Variants in LSM11 observed in about 807,000 individuals in gnomAD.
LSM11 encodes U7 snRNA-associated Sm-like protein LSm11.
Under a neutral mutation model 28.1 loss-of-function variants are expected in LSM11, and 14 were observed. The observed-to-expected ratio is 0.50, with a 90% CI of 0.33 to 0.78. The LOEUF (loss-of-function observed/expected upper bound fraction) is 0.78, where lower values mean the gene tolerates loss of function less well. Among genes scored for constraint, LSM11 ranks in the 30% least tolerant of loss-of-function variants. LSM11 has a pLI of 0.02. For synonymous variants in LSM11, 207 were observed against 214.2 expected (o/e 0.97, Z 0.30); for missense variants, 495 against 510.6 (o/e 0.97, Z 0.30).
At chr5:157,746,009 A>T (rs1761141007) in intron 1 of LSM11, among the ~76,000 whole-genome samples, 1 of 152,156 alleles carries the variant, frequency 6.6e-6, no homozygotes, top group African/African-American at 2.4e-5. Context: ...TGTGCACCAA[A>T]CCCCAGTGAC....
At chr5:157,746,087 G>A (rs1013857568) in intron 1 of LSM11, among the ~76,000 whole-genome samples, 1 of 151,260 alleles carries the variant, frequency 6.6e-6, no homozygotes, top group Admixed American at 6.6e-5. Flanking sequence ...TGGAAGGGGG[G>A]AAAAAAAAGA....
Position 157,756,204 on chromosome 5 carries a change from A to T in LSM11, c.*940A>T, listed in dbSNP as rs1329389599. 6.5e-6 allele frequency: 1 copy of T among 152,934 alleles called. No homozygotes were observed. The highest frequency in any genetic ancestry group is 1.5e-5 in the Non-Finnish European group (1 of 68,292). 9.5% of individuals were successfully genotyped at this position (152,934 alleles called of 1,614,324 possible). ...CAGGCAGGGCCAGCATGTGTAGAAT[A>T]TCTTTCAGAATATGGTTTCACCATG... On this transcript the variant is annotated 3_prime_UTR_variant, in exon 4 of 4. Coordinates refer to ENST00000286307, the MANE Select transcript of LSM11 (RefSeq NM_173491.4).
At chr5:157,749,604 A>ACACACACC (rs1554095390) in intron 1 of LSM11, among the ~76,000 whole-genome samples, 42 of 151,792 alleles carry the variant, frequency 2.8e-4, no homozygotes, top group Non-Finnish European at 2.7e-4. Flanking sequence ...ACACACACAC[A>ACACACACC]CACCCACACA....
chr5:157,751,071 C>T (rs193241398), intron 1 of LSM11, among the ~76,000 whole-genome samples: 3 of 152,286 alleles, frequency 2.0e-5, no homozygotes, highest in African/African-American at 7.2e-5. Context: ...CGTGAGCCAC[C>T]ACGCCCGGCC....
At chr5:157,747,993 C>CTGTGTGTGTGTGTGTGTGTG (rs5872520) in intron 1 of LSM11, among the ~76,000 whole-genome samples, 4 of 148,738 alleles carry the variant, frequency 2.7e-5, no homozygotes, top group African/African-American at 9.9e-5. Context: ...CACCACACTG[C>CTGTGTGTGTGTGTGTGTGTG]TGTGTGTGTG....
intron 1 of LSM11, among the ~76,000 whole-genome samples, chr5:157,746,558 A>T (rs886190742): frequency 6.6e-6 from 1 of 152,238 alleles, no homozygotes; most frequent in East Asian, 1.9e-4. Context: ...TATCTCTGTC[A>T]TAGAATCTCT....
intron 2 of LSM11, among the ~76,000 whole-genome samples, chr5:157,753,541 A>G (rs1048634802): frequency 2.0e-5 from 3 of 152,192 alleles, no homozygotes; most frequent in Non-Finnish European, 4.4e-5. Flanking sequence ...TTCATAAGAC[A>G]TAGAAACTGA....
intron 1 of LSM11, among the ~76,000 whole-genome samples, chr5:157,745,540 C>T (rs973078252): frequency 3.3e-5 from 5 of 152,148 alleles, no homozygotes; most frequent in Admixed American, 6.5e-5. Context: ...AAATGCACTC[C>T]AAGTCTCATT....
In LSM11 at chr5:157,755,222, C is replaced by T; in HGVS notation, c.1041C>T (p.Phe347=). 1 of 1,614,208 alleles carries T rather than the reference C, an allele frequency of 6.2e-7. No homozygotes were observed. Among genetic ancestry groups the T allele is most frequent in the Non-Finnish European group, 8.5e-7 (1 of 1,180,036 alleles). The change falls in exon 4 of 4, where the codon TTC becomes TTT. Residue 347 remains phenylalanine (F), a synonymous_variant. Coordinates refer to ENST00000286307, the MANE Select transcript of LSM11 (RefSeq NM_173491.4). ...TCACTCGACACATAAATCAGATTTTCATTCGAGGCGAGAATGTCCTGCTGG... is the reference window on the plus strand; with the variant it reads ...TCACTCGACACATAAATCAGATTTTTATTCGAGGCGAGAATGTCCTGCTGG... ...QVFTRHINQI[F]IRGENVLLVH...
intron 1 of LSM11, among the ~76,000 whole-genome samples, chr5:157,748,825 G>A (rs1160892216): frequency 2.0e-5 from 3 of 152,204 alleles, no homozygotes; most frequent in Non-Finnish European, 4.4e-5. Context: ...AAATGACCTG[G>A]ATCTGGAAGG....
rs1420596574 is a variant in LSM11 at position 157,757,197 on chromosome 5, G to GGGTTCAT, written c.*1934_*1940dup. The stretch of plus-strand genomic sequence containing the variant: ...AGGAAAAAAAAAAAAAGTAATCTTA[G>GGGTTCAT]GGTTCATAGTTATGATCCTGTTGTA... On this transcript the variant is annotated 3_prime_UTR_variant, in exon 4 of 4. Transcript: ENST00000286307. The GGGTTCAT allele has an allele frequency of 6.6e-6, 1 of 151,956 alleles. No individual in the cohort carries two copies. The highest frequency in any genetic ancestry group is 1.5e-5 in the Non-Finnish European group (1 of 68,018). 9.4% of individuals were successfully genotyped at this position (151,956 alleles called of 1,614,324 possible). A position where few individuals can be genotyped will look rare whatever the true frequency, so the allele number is the denominator to read the frequency against.
At chr5:157,754,507 C>G (rs776261646) in intron 3 of LSM11, among the ~76,000 whole-genome samples, 16 of 151,898 alleles carry the variant, frequency 1.1e-4, no homozygotes, top group Non-Finnish European at 1.9e-4. Context: ...TCCTGGCTAA[C>G]ACGGTGAAAC....
chr5:157,753,554 C>T (rs569978303), intron 2 of LSM11, among the ~76,000 whole-genome samples: 5 of 152,148 alleles, frequency 3.3e-5, no homozygotes, highest in Admixed American at 6.6e-5. Context: ...GAAACTGAAG[C>T]GGGTAAAGAA....
chr5:157,743,765 G>A lies in LSM11; in HGVS notation c.15G>A (p.Glu5=). The A allele has an allele frequency of 2.1e-6, 3 of 1,404,764 alleles. No individual in the cohort carries two copies. The highest frequency in any genetic ancestry group is 1.5e-5 in the South Asian group (1 of 66,884). The allele number at this position is 1,404,764 out of a possible 1,614,324, so 87.0% of individuals were successfully genotyped here. A position where few individuals can be genotyped will look rare whatever the true frequency, so the allele number is the denominator to read the frequency against. Reference sequence around the variant, plus strand: ...GCCTTTCAAACATGGAGGAGCGGGAGCGGGGGGCGAGGTCGGCTGGCGCCG... The same window carrying A: ...GCCTTTCAAACATGGAGGAGCGGGAACGGGGGGCGAGGTCGGCTGGCGCCG... MEER[E]RGARSAGAGS... Residue 5 remains glutamate (E), a synonymous_variant, in exon 1 of 4, where the codon GAG becomes GAA. Transcript: ENST00000286307.
intron 1 of LSM11, 46 bp from the exon 2 acceptor site, chr5:157,751,344 G>T: frequency 6.6e-7 from 1 of 1,508,990 alleles, no homozygotes; most frequent in Non-Finnish European, 8.8e-7. Context: ...TTCTGGGAAT[G>T]AGGGCAGATA....
rs1315700144 is a variant in LSM11 at position 157,758,839 on chromosome 5, T to C, written c.*3575T>C. 2.0e-5 allele frequency: 3 copies of C among 152,226 alleles called. No individual in the cohort carries two copies. The highest frequency in any genetic ancestry group is 1.9e-4 in the East Asian group (1 of 5,204). 9.4% of individuals were successfully genotyped at this position (152,226 alleles called of 1,614,324 possible). A position where few individuals can be genotyped will look rare whatever the true frequency, so the allele number is the denominator to read the frequency against. On this transcript the variant is annotated 3_prime_UTR_variant, in exon 4 of 4. Coordinates refer to ENST00000286307, the MANE Select transcript of LSM11 (RefSeq NM_173491.4). Reference sequence around the variant, plus strand: ...GTCTTCTCAAAAGTATCTACCTTTGTTAGATAATAACAAGTGATTAAGAAA... The same window carrying C: ...GTCTTCTCAAAAGTATCTACCTTTGCTAGATAATAACAAGTGATTAAGAAA...
Position 157,755,959 on chromosome 5 carries a change from A to G in LSM11, c.*695A>G, listed in dbSNP as rs774716971. On this transcript the variant is annotated 3_prime_UTR_variant, in exon 4 of 4. Coordinates refer to ENST00000286307, the MANE Select transcript of LSM11 (RefSeq NM_173491.4). ...CAGAGGTAGCCTCTGCAAATGGCAT[A>G]CCAGATGGGACTCTAAGATGCTTGT... The G allele has an allele frequency of 2.9e-6, 1 of 350,874 alleles. No homozygotes were observed. The highest frequency in any genetic ancestry group is 5.1e-6 in the Non-Finnish European group (1 of 196,914). 21.7% of individuals were successfully genotyped at this position (350,874 alleles called of 1,614,324 possible).
chr5:157,751,914 C>T (rs1761238246), intron 2 of LSM11, among the ~76,000 whole-genome samples: 1 of 152,178 alleles, frequency 6.6e-6, no homozygotes, highest in Non-Finnish European at 1.5e-5. Context: ...CTGAAAAGTC[C>T]TTAGTGCCAG....
In LSM11 at chr5:157,744,161, C is replaced by T; in HGVS notation, c.411C>T (p.Ser137=). 1 of 1,401,610 alleles carries T rather than the reference C, an allele frequency of 7.1e-7. No individual in the cohort carries two copies. Among genetic ancestry groups the T allele is most frequent in the Non-Finnish European group, 9.3e-7 (1 of 1,078,628 alleles). 86.8% of individuals were successfully genotyped at this position (1,401,610 alleles called of 1,614,324 possible). ...CGGGCCGGAGGGGTCCGGGTCGGAG[C>T]AGGAAGGCGCCACGCAACGTGCTCA... ...AGAGRRGPGR[S]RKAPRNVLTR... The change falls in exon 1 of 4, where the codon AGC becomes AGT. Residue 137 remains serine, a synonymous_variant. Transcript: ENST00000286307.
Sources: gnomAD v4.1 joint callset for allele counts (sites outside exome capture counted in the v4.1 genomes callset) on GRCh38, gnomAD v4.1.1 for gene constraint, MANE v1.5 for transcripts, NCBI Gene and HGNC (gene_info 2026-07-23, HGNC 2026-07-21) for gene names.